FRYL: variants seen among roughly 807,000 people sequenced by gnomAD.
FRYL encodes the protein protein furry homolog-like.
In FRYL, 150 loss-of-function variants were observed where a neutral mutation model predicts 351.2. That is an observed-to-expected ratio of 0.43 (90% CI 0.37 to 0.49). The LOEUF is 0.49. FRYL is among the 20% of genes least tolerant of loss of function. The pLI is 0.00. For missense variants in FRYL, 3,036 were observed against 3,619.3 expected (o/e 0.84, Z 4.13); for synonymous variants, 1,153 against 1,257.1 (o/e 0.92, Z 1.75).
intron 1 of FRYL, among the ~76,000 whole-genome samples, chr4:48,711,406 G>A (rs1767999688): frequency 6.6e-6 from 1 of 152,282 alleles, no homozygotes; most frequent in South Asian, 2.1e-4. Flanking sequence ...CGCACCAGGA[G>A]ATTATATCCT....
At chr4:48,704,165 G>A (rs13113370) in intron 2 of FRYL, among the ~76,000 whole-genome samples, 76,477 of 151,940 alleles carry the variant, frequency 0.5, 19,607 homozygotes, top group South Asian at 0.61. Context: ...TGTTTAACAG[G>A]AAAAAGAAAA....
chr4:48,511,916 C>T (rs1457951092), intron 57 of FRYL, among the ~76,000 whole-genome samples: 1 of 152,212 alleles, frequency 6.6e-6, no homozygotes, highest in African/African-American at 2.4e-5. Context: ...TCCCTCTCCA[C>T]TGAATGCTGA....
In FRYL at chr4:48,500,148, C is replaced by T. The variant is rs1231745748; in HGVS notation, c.8665G>A (p.Glu2889Lys). Residue 2889 changes from glutamate (E) to lysine (K), a missense_variant, in exon 63 of 64, where the codon GAA becomes AAA. This residue lies in a region of FRYL where 1,987 missense variants were observed against 2,311.7 expected (regional missense o/e 0.86). Transcript: ENST00000358350. Reference protein sequence around the residue: ...LKEAESASENEEIDISKAAQT... With the variant: ...LKEAESASENKEIDISKAAQT... ...GCAGCTTTGGAAATGTCAATTTCTT[C>T]GTTTTCGGAAGCGGACTCAGCTTCT... is the stretch of plus-strand genomic sequence containing the variant. 5.6e-6 allele frequency: 9 copies of T among 1,605,424 alleles called. No individual in the cohort carries two copies. Among genetic ancestry groups the T allele is most frequent in the African/African-American group, 5.4e-5 (4 of 74,346 alleles).
chr4:48,623,048 AT>A (rs1284702388), intron 5 of FRYL, 77 bp downstream of exon 5: 1 of 805,880 alleles, frequency 1.2e-6, no homozygotes, highest in African/African-American at 1.8e-5. Context: ...ATTCCTTAAT[AT>A]TGAATACATT....
At chr4:48,770,128 G>A (rs549628617) in intron 1 of FRYL, among the ~76,000 whole-genome samples, 2 of 152,176 alleles carry the variant, frequency 1.3e-5, no homozygotes, top group Admixed American at 6.5e-5. Flanking sequence ...GAATATTAAC[G>A]ATATTGTATC....
intron 21 of FRYL, 91 bp from the exon 22 acceptor site, chr4:48,581,042 C>CTAT (rs1262547106): frequency 1.5e-6 from 1 of 656,912 alleles, no homozygotes; most frequent in Non-Finnish European, 2.4e-6. Flanking sequence ...CACTTCAGCA[C>CTAT]TATTTTTTTT....
intron 1 of FRYL, among the ~76,000 whole-genome samples, chr4:48,712,438 C>T (rs1409328787): frequency 5.9e-5 from 9 of 151,974 alleles, no homozygotes; most frequent in South Asian, 2.1e-4. Context: ...CCTCAAGAGC[C>T]GATGCGATCA....
At chr4:48,558,877 C>A (rs1318200945) in intron 33 of FRYL, among the ~76,000 whole-genome samples, 1 of 152,164 alleles carries the variant, frequency 6.6e-6, no homozygotes, top group East Asian at 1.9e-4. Flanking sequence ...TGTTTAATTT[C>A]CATAAATCAC....
intron 6 of FRYL, among the ~76,000 whole-genome samples, chr4:48,619,739 T>C (rs1285940547): frequency 6.6e-6 from 1 of 152,176 alleles, no homozygotes; most frequent in Non-Finnish European, 1.5e-5. Flanking sequence ...TGGGTTCAAG[T>C]GATCCTCCTG....
chr4:48,575,842 G>A (rs1039510251), intron 24 of FRYL, among the ~76,000 whole-genome samples, 188 bp downstream of exon 24: 2 of 152,128 alleles, frequency 1.3e-5, no homozygotes, highest in African/African-American at 2.4e-5. Flanking sequence ...AACTATGTAC[G>A]TATTATTGAT....
chr4:48,526,621 T>A (rs1726293241), intron 53 of FRYL, among the ~76,000 whole-genome samples: 1 of 152,168 alleles, frequency 6.6e-6, no homozygotes, highest in African/African-American at 2.4e-5. Context: ...TGCTGCTATC[T>A]GAGGTCAAGC....
chr4:48,733,320 A>T (rs768859219), intron 1 of FRYL, among the ~76,000 whole-genome samples: 14 of 151,878 alleles, frequency 9.2e-5, no homozygotes, highest in Non-Finnish European at 2.1e-4. Flanking sequence ...CCACCAGCCT[A>T]GAATTCTGTA....
Position 48,570,886 on chromosome 4 carries a change from T to C in FRYL, c.2937A>G (p.Leu979=). The C allele has an allele frequency of 6.2e-7, 1 of 1,613,934 alleles. No homozygotes were observed. Among genetic ancestry groups the C allele is most frequent in the Non-Finnish European group, 8.5e-7 (1 of 1,179,812 alleles). Residue 979 remains leucine (L), a synonymous_variant, in exon 27 of 64, where the codon TTA becomes TTG. Transcript: ENST00000358350. ...NMKRRRRRDI[L]RVQLVRIFEL... ...CAAATATTCGTACCAGTTGTACTCG[T>C]AAAATGTCTCGACGCCTGCGCCGTT...
Position 48,688,364 on chromosome 4 carries a change from A to G in FRYL, c.-203-3569T>C, listed in dbSNP as rs78940726. Among the ~76,000 whole-genome samples the G allele has an allele frequency of 8.3e-3, 1,265 of 152,318 alleles. 13 individuals are homozygous for G. The highest frequency in any genetic ancestry group is 0.029 in the African/African-American group (1,198 of 41,564). ...AAAATAATTATAGAAAACAAAATGCAGTAACTTCTTTAATCTGCCAAAGAT... is the reference window on the plus strand; with the variant it reads ...AAAATAATTATAGAAAACAAAATGCGGTAACTTCTTTAATCTGCCAAAGAT... On this transcript the variant is annotated intron_variant, in intron 2 of 63. Coordinates refer to ENST00000358350, the MANE Select transcript of FRYL (RefSeq NM_015030.2).
intron 47 of FRYL, among the ~76,000 whole-genome samples, chr4:48,539,539 G>A (rs1346838200): frequency 1.4e-5 from 2 of 146,378 alleles, no homozygotes; most frequent in Admixed American, 1.4e-4. Flanking sequence ...CCCCTGCCCC[G>A]ATAAAATACC....
At position 48,565,613 on chromosome 4, in the gene FRYL, G is replaced by A. The variant is rs1283485295; in HGVS notation, c.3248C>T (p.Pro1083Leu). 1 of 1,613,870 alleles carries A rather than the reference G, an allele frequency of 6.2e-7. No individual in the cohort carries two copies. Among genetic ancestry groups the A allele is most frequent in the East Asian group, 2.2e-5 (1 of 44,864 alleles). ...CAAGGGCGTAAACATGATGCTAAAA[G>A]GACCTGCCCAGTGACTGAACAGCAT... ...LFMLFSHWAG[P>L]FSIMFTPLDR... The change falls in exon 29 of 64, where the codon CCT becomes CTT. Residue 1083 changes from proline (P) to leucine (L), a missense_variant. Pro to Leu is a moderately conservative substitution (Grantham distance 98, BLOSUM62 -3). Transcript: ENST00000358350.
At chr4:48,760,082 G>A (rs1326096191) in intron 1 of FRYL, among the ~76,000 whole-genome samples, 1 of 151,836 alleles carries the variant, frequency 6.6e-6, no homozygotes, top group African/African-American at 2.4e-5. Flanking sequence ...GGTATTTTTG[G>A]AGACTTTAAA....
At chr4:48,689,013 T>C (rs751815893) in intron 2 of FRYL, among the ~76,000 whole-genome samples, 1 of 152,202 alleles carries the variant, frequency 6.6e-6, no homozygotes, top group Non-Finnish European at 1.5e-5. Context: ...GGAAACATAC[T>C]ACACTGACTA....
At chr4:48,543,640 A>G (rs1267345652) in intron 44 of FRYL, among the ~76,000 whole-genome samples, 167 bp downstream of exon 44, 1 of 152,174 alleles carries the variant, frequency 6.6e-6, no homozygotes, top group African/African-American at 2.4e-5. Context: ...AGGTTATTTG[A>G]TATTAATTAC....
Sources: allele counts gnomAD v4.1 joint callset (sites outside exome capture counted in the v4.1 genomes callset), GRCh38; gene constraint gnomAD v4.1.1; regional missense constraint gnomAD v4.1.1; transcripts MANE v1.5; gene names NCBI Gene and HGNC (gene_info 2026-07-23, HGNC 2026-07-21).